ARHGEF10: variants seen among roughly 807,000 people sequenced by gnomAD.
ARHGEF10 encodes Rho guanine nucleotide exchange factor (GEF) 10.
A neutral mutation model predicts 147.4 loss-of-function variants in ARHGEF10; 140 were observed. The ratio of observed to expected loss-of-function variants is 0.95; its 90% confidence interval spans 0.83 to 1.09. The LOEUF (loss-of-function observed/expected upper bound fraction) is 1.09. ARHGEF10 is among the 50% of genes least tolerant of loss of function. The probability of loss-of-function intolerance (pLI) is 0.00; values close to 1 mark genes in which losing one functional copy is unlikely to be tolerated. For synonymous variants in ARHGEF10, 902 were observed against 695.8 expected (o/e 1.30, Z -4.67); for missense variants, 2,222 against 1,752.7 (o/e 1.27, Z -4.78).
At chr8:1,858,899 T>C (rs1047200922) in intron 3 of ARHGEF10, 1 of 176,716 alleles carries the variant, frequency 5.7e-6, no homozygotes, top group Non-Finnish European at 1.2e-5. Flanking sequence ...GCCTCTCGGT[T>C]GTTTGCATGC....
At chr8:1,903,251 A>G (rs375973777) in intron 15 of ARHGEF10, 30 bp from the exon 16 acceptor site, 1 of 1,613,640 alleles carries the variant, frequency 6.2e-7, no homozygotes, top group Non-Finnish European at 8.5e-7. Flanking sequence ...TCCACGTGGT[A>G]ACTGCCCACC....
chr8:1,957,190 A>T lies in ARHGEF10; in HGVS notation c.3962A>T (p.Lys1321Met). 6.2e-7 allele frequency: 1 copy of T among 1,612,496 alleles called. No individual in the cohort carries two copies. Among genetic ancestry groups the T allele is most frequent in the Non-Finnish European group, 8.5e-7 (1 of 1,179,974 alleles). ...CAGGGCCACCGCCGGGTGCACAGGA[A>T]GGCCCGGCAGCCCCACCAGGAAGAG... ...GGQGHRRVHRKARQPHQEELA... is the reference protein window; with the variant it reads ...GGQGHRRVHRMARQPHQEELA... The change falls in exon 29 of 29, where the codon AAG (lysine) becomes ATG (methionine). Residue 1321 changes from lysine (K) to methionine (M), a missense_variant. Transcript: ENST00000349830.
intron 2 of ARHGEF10, among the ~76,000 whole-genome samples, chr8:1,847,763 A>G (rs1479115746): frequency 6.6e-6 from 1 of 152,254 alleles, no homozygotes; most frequent in Non-Finnish European, 1.5e-5. Context: ...TCTTTAAACA[A>G]TAGAGCTAAA....
rs563288421 is a variant in ARHGEF10 at position 1,826,065 on chromosome 8, A to C, written c.-48+1952A>C. ...CTCACAGCATTTATTTGCTGGCTTT[A>C]GCAGCCAACATCGGCAGTTACGGAT... On this transcript the variant is annotated intron_variant, in intron 1 of 28. Transcript: ENST00000349830. The C allele has an allele frequency of 1.3e-5, 21 of 1,573,344 alleles. No homozygotes were observed. The African/African-American group carries it at 2.8e-4, about 21-fold the overall frequency.
intron 1 of ARHGEF10, among the ~76,000 whole-genome samples, chr8:1,830,910 C>T (rs990332597): frequency 6.6e-5 from 10 of 152,232 alleles, no homozygotes; most frequent in African/African-American, 1.4e-4. Flanking sequence ...GCTGAGCCCA[C>T]GTCCACAGAA....
At position 1,864,456 on chromosome 8, in the gene ARHGEF10, C is replaced by G; in HGVS notation, c.545+20C>G. The G allele has an allele frequency of 6.2e-7, 1 of 1,610,494 alleles. No individual in the cohort carries two copies. Among genetic ancestry groups the G allele is most frequent in the Non-Finnish European group, 8.5e-7 (1 of 1,176,722 alleles). On this transcript the variant is annotated intron_variant, in intron 5 of 28. Transcript: ENST00000349830. ...AACCAGGTATCTGCATCCGTCTTCC[C>G]ACACCTGCTGAATTCCCGCCTTTCT...
intron 11 of ARHGEF10, among the ~76,000 whole-genome samples, chr8:1,889,165 GT>G (rs1169787281): frequency 1.1e-5 from 1 of 88,508 alleles, no homozygotes; most frequent in African/African-American, 4.9e-5. Flanking sequence ...GAGACGCTGA[GT>G]TGGGGGGTTG....
intron 25 of ARHGEF10, among the ~76,000 whole-genome samples, chr8:1,930,415 A>G (rs1051358822): frequency 4.6e-5 from 7 of 151,962 alleles, no homozygotes; most frequent in African/African-American, 1.7e-4. Flanking sequence ...CCTCGCCTTC[A>G]TTCTTCCGCT....
rs752094331 is a variant in ARHGEF10, at chr8:1,896,396, G to A, written c.1504G>A (p.Ala502Thr). The A allele has an allele frequency of 2.7e-5, 44 of 1,613,916 alleles. No homozygotes were observed. Among genetic ancestry groups the A allele is most frequent in the Non-Finnish European group, 3.6e-5 (43 of 1,180,034 alleles). The change falls in exon 14 of 29, where the codon GCA (alanine) becomes ACA (threonine). Residue 502 changes from alanine (A) to threonine (T), a missense_variant. Coordinates refer to ENST00000349830, the MANE Select transcript of ARHGEF10 (RefSeq NM_014629.4). ...EYVNNFSTAV[A>T]VLKKTCATKP... The stretch of plus-strand genomic sequence containing the variant: ...TGTGAACAATTTCAGCACAGCCGTG[G>A]CAGTCCTCAAGAAAACATGTGCCAC...
chr8:1,925,156 C>G, intron 21 of ARHGEF10, 127 bp from the exon 22 acceptor site: 1 of 1,150,574 alleles, frequency 8.7e-7, no homozygotes, highest in South Asian at 1.3e-5. Context: ...ACAAGTAAAA[C>G]ATGGCGTTGT....
chr8:1,835,553 A>G (rs1294312650), intron 1 of ARHGEF10, among the ~76,000 whole-genome samples: 1 of 152,174 alleles, frequency 6.6e-6, no homozygotes, highest in Non-Finnish European at 1.5e-5. Context: ...TAGCACGCTC[A>G]TGCCGTCCCG....
At chr8:1,829,420 G>A (rs978618230) in intron 1 of ARHGEF10, among the ~76,000 whole-genome samples, 2 of 152,238 alleles carry the variant, frequency 1.3e-5, no homozygotes, top group African/African-American at 4.8e-5. Flanking sequence ...GAAGTCCGCT[G>A]AGGGCTGGAG....
chr8:1,840,847 T>A (rs1289556262), intron 1 of ARHGEF10, among the ~76,000 whole-genome samples: 1 of 152,148 alleles, frequency 6.6e-6, no homozygotes, highest in Non-Finnish European at 1.5e-5. Context: ...GGTAGGCACC[T>A]CCCGCCTCAC....
intron 26 of ARHGEF10, chr8:1,943,713 G>T (rs1034192770): frequency 6.6e-6 from 1 of 152,206 alleles, no homozygotes; most frequent in Non-Finnish European, 1.5e-5. Context: ...CTTTGCAATT[G>T]TGAGCACCAG....
intron 26 of ARHGEF10, among the ~76,000 whole-genome samples, chr8:1,935,011 A>G (rs1813459450): frequency 6.6e-6 from 1 of 152,238 alleles, no homozygotes; most frequent in Admixed American, 6.5e-5. Flanking sequence ...AAGGACATGA[A>G]CAGGCAGCTC....
intron 1 of ARHGEF10, among the ~76,000 whole-genome samples, chr8:1,827,299 A>T (rs1802828324): frequency 1.3e-5 from 2 of 152,154 alleles, no homozygotes; most frequent in Non-Finnish European, 2.9e-5. Flanking sequence ...AGTTTTCCAA[A>T]TTTTGATAAA....
At chr8:1,916,014 C>T (rs1811735892) in intron 18 of ARHGEF10, among the ~76,000 whole-genome samples, 1 of 152,244 alleles carries the variant, frequency 6.6e-6, no homozygotes, top group Admixed American at 6.5e-5. Flanking sequence ...GCTATCATAG[C>T]TCCTCAGCCA....
chr8:1,921,845 C>T (rs963142765), intron 18 of ARHGEF10, among the ~76,000 whole-genome samples: 1 of 152,188 alleles, frequency 6.6e-6, no homozygotes, highest in Non-Finnish European at 1.5e-5. Flanking sequence ...AGACCCATGG[C>T]CGGGAAGCCT....
chr8:1,947,329 C>T (rs919583313), intron 27 of ARHGEF10, among the ~76,000 whole-genome samples: 4 of 152,272 alleles, frequency 2.6e-5, no homozygotes, highest in Middle Eastern at 3.4e-3. Context: ...GACCTCCCTC[C>T]GGGGCGAAGC....
Sources: allele counts gnomAD v4.1 joint callset (sites outside exome capture counted in the v4.1 genomes callset), GRCh38; gene constraint gnomAD v4.1.1; transcripts MANE v1.5; gene names NCBI Gene and HGNC (gene_info 2026-07-23, HGNC 2026-07-21).